The following PCDH9 variants were observed in gnomAD, a reference collection of about 807,000 sequenced individuals.
PCDH9 encodes protocadherin 9.
A neutral mutation model predicts 70.6 loss-of-function variants in PCDH9; 24 were observed. The observed-to-expected ratio is 0.34, with a 90% CI of 0.25 to 0.48. PCDH9 has a LOEUF of 0.48. PCDH9 is among the 20% of genes least tolerant of loss of function. The pLI, the probability that PCDH9 is intolerant of heterozygous loss-of-function variation, is 0.99. For synonymous variants in PCDH9, 562 were observed against 558.5 expected, an observed-to-expected ratio of 1.01 and a Z score of -0.09; for missense variants, 1,281 against 1,503.6, an observed-to-expected ratio of 0.85 and a Z score of 2.45.
At chr13:66,943,955 T>TA (rs2083047067) in intron 2 of PCDH9, among the ~76,000 whole-genome samples, 1 of 151,484 alleles carries the variant, frequency 6.6e-6, no homozygotes, top group Non-Finnish European at 1.5e-5. Context: ...CTCTACCTCT[T>TA]AAAAATGTAG....
intron 2 of PCDH9, among the ~76,000 whole-genome samples, chr13:67,081,510 G>C (rs1324180547): frequency 6.6e-6 from 1 of 152,202 alleles, no homozygotes; most frequent in Non-Finnish European, 1.5e-5. Flanking sequence ...AGAGGTTGCA[G>C]TGAGCTGAGA....
At chr13:66,684,547 A>G (rs1489379343) in intron 3 of PCDH9, among the ~76,000 whole-genome samples, 1 of 152,162 alleles carries the variant, frequency 6.6e-6, no homozygotes, top group Non-Finnish European at 1.5e-5. Context: ...TGATGGTTTT[A>G]TAAGGGGCTT....
intron 4 of PCDH9, among the ~76,000 whole-genome samples, chr13:66,563,243 T>C (rs1012615415): frequency 6.6e-6 from 1 of 152,156 alleles, no homozygotes; most frequent in Non-Finnish European, 1.5e-5. Flanking sequence ...CTAAACAGCA[T>C]CATAGTCTAT....
chr13:66,987,453 C>T (rs2083915076), intron 2 of PCDH9, among the ~76,000 whole-genome samples: 1 of 151,960 alleles, frequency 6.6e-6, no homozygotes, highest in Non-Finnish European at 1.5e-5. Context: ...AGTTTATGAC[C>T]TCATCTGCAT....
chr13:66,925,179 G>A (rs1594267416), intron 2 of PCDH9, among the ~76,000 whole-genome samples: 1 of 151,778 alleles, frequency 6.6e-6, no homozygotes, highest in East Asian at 1.9e-4. Flanking sequence ...GAAGTGTGGT[G>A]CCAGTGACAG....
chr13:67,160,630 A>G (rs551914494), intron 2 of PCDH9, among the ~76,000 whole-genome samples: 29 of 152,112 alleles, frequency 1.9e-4, no homozygotes, highest in Admixed American at 1.2e-3. Flanking sequence ...TCAAGACAAC[A>G]TGCAGGTTGA....
At chr13:66,370,023 C>T (rs189326661) in intron 4 of PCDH9, among the ~76,000 whole-genome samples, 4 of 152,164 alleles carry the variant, frequency 2.6e-5, no homozygotes, top group Admixed American at 2.6e-4. Flanking sequence ...ACTATCATTG[C>T]TTTTTAAGTC....
At position 66,601,600 on chromosome 13, in the gene PCDH9, C is replaced by A. The variant is rs1047712460; in HGVS notation, c.3340+29610G>T. ...CTTTTGACTGTCATCATTAGTATCA[C>A]CATTAAATTAAGTCAAATATCTTAA... On this transcript the variant is annotated intron_variant, in intron 4 of 4. Transcript: ENST00000377865. Among the ~76,000 whole-genome samples the A allele has an allele frequency of 6.2e-5, 9 of 146,170 alleles. 2 individuals are homozygous for A. The highest frequency in any genetic ancestry group is 4.1e-4 in the Admixed American group (6 of 14,518).
At chr13:67,051,811 T>C (rs2085330419) in intron 2 of PCDH9, among the ~76,000 whole-genome samples, 1 of 152,168 alleles carries the variant, frequency 6.6e-6, no homozygotes, top group Non-Finnish European at 1.5e-5. Context: ...AGCTATCACA[T>C]GATTTGCTAA....
chr13:66,669,685 T>C (rs2078144844), intron 3 of PCDH9, among the ~76,000 whole-genome samples: 1 of 152,158 alleles, frequency 6.6e-6, no homozygotes, highest in Admixed American at 6.6e-5. Context: ...GATTAACTTG[T>C]AGTTACTTGA....
At chr13:67,040,904 G>C (rs1440279047) in intron 2 of PCDH9, among the ~76,000 whole-genome samples, 1 of 151,892 alleles carries the variant, frequency 6.6e-6, no homozygotes, top group East Asian at 1.9e-4. Flanking sequence ...ACACAATCAG[G>C]GTTTTATTTA....
intron 2 of PCDH9, among the ~76,000 whole-genome samples, chr13:67,149,603 C>T (rs946897239): frequency 5.9e-5 from 9 of 151,748 alleles, no homozygotes; most frequent in Non-Finnish European, 1.3e-4. Context: ...CTAATGGTCA[C>T]GAATTTTTAT....
At chr13:67,003,992 C>G (rs1594378122) in intron 2 of PCDH9, among the ~76,000 whole-genome samples, 2 of 152,108 alleles carry the variant, frequency 1.3e-5, no homozygotes, top group Non-Finnish European at 2.9e-5. Flanking sequence ...GATAAATCTT[C>G]TCTATAGTCC....
intron 3 of PCDH9, among the ~76,000 whole-genome samples, chr13:66,746,715 C>CA (rs1475915421): frequency 1.3e-5 from 2 of 152,072 alleles, no homozygotes; most frequent in Admixed American, 1.3e-4. Context: ...AATTTGAAAT[C>CA]AAACTTCTTC....
chr13:67,036,434 G>C (rs1302189045), intron 2 of PCDH9, among the ~76,000 whole-genome samples: 4 of 152,024 alleles, frequency 2.6e-5, no homozygotes, highest in Admixed American at 6.6e-5. Context: ...TCAGCTTCAG[G>C]TCTCAGTGGC....
intron 4 of PCDH9, among the ~76,000 whole-genome samples, chr13:66,313,612 T>C (rs962282723): frequency 2.0e-5 from 3 of 152,204 alleles, no homozygotes; most frequent in Non-Finnish European, 2.9e-5. Context: ...ATGAAGCAAT[T>C]TGCCTTTATA....
At chr13:66,633,317 G>A (rs1230260877) in intron 3 of PCDH9, among the ~76,000 whole-genome samples, 1 of 152,166 alleles carries the variant, frequency 6.6e-6, no homozygotes, top group Admixed American at 6.5e-5. Flanking sequence ...GCCTAGGTGA[G>A]TGCTATAGAA....
chr13:66,951,657 G>A (rs1210722782), intron 2 of PCDH9, among the ~76,000 whole-genome samples: 1 of 152,188 alleles, frequency 6.6e-6, no homozygotes, highest in East Asian at 1.9e-4. Context: ...TATCCATTGT[G>A]ATGCAAATGT....
chr13:66,717,324 T>C (rs562889638), intron 3 of PCDH9, among the ~76,000 whole-genome samples: 77 of 150,874 alleles, frequency 5.1e-4, no homozygotes, highest in African/African-American at 1.8e-3. Context: ...TAGTGGCTAG[T>C]GCCTATAATC....
Sources: allele counts gnomAD v4.1 joint callset (sites outside exome capture counted in the v4.1 genomes callset), GRCh38; gene constraint gnomAD v4.1.1; transcripts MANE v1.5; gene names NCBI Gene and HGNC (gene_info 2026-07-23, HGNC 2026-07-21).